KCNQ3: variants seen among roughly 807,000 people sequenced by gnomAD.
KCNQ3 encodes potassium voltage-gated channel subfamily Q member 3.
In KCNQ3, 30 loss-of-function variants were observed where a neutral mutation model predicts 92.5. That is an observed-to-expected ratio of 0.32 (90% CI 0.24 to 0.44). The LOEUF is 0.44. KCNQ3 is among the 20% of genes least tolerant of loss of function. The probability of loss-of-function intolerance (pLI) is 1.00; values close to 1 mark genes in which losing one functional copy is unlikely to be tolerated. For missense variants in KCNQ3, 913 were observed against 1,140.3 expected (o/e 0.80, Z 2.87); for synonymous variants, 450 against 468.8 (o/e 0.96, Z 0.52).
chr8:132,364,694 C>CGGACGGACGGATGGAT (rs61064169), intron 1 of KCNQ3, among the ~76,000 whole-genome samples: 1 of 137,932 alleles, frequency 7.2e-6, no homozygotes, highest in African/African-American at 2.6e-5. Context: ...GACGGACGGA[C>CGGACGGACGGATGGAT]GGATGGATGG....
intron 1 of KCNQ3, among the ~76,000 whole-genome samples, chr8:132,239,686 C>A (rs563672740): frequency 2.7e-4 from 41 of 152,282 alleles, no homozygotes; most frequent in African/African-American, 9.9e-4. Flanking sequence ...TGGAACCAGA[C>A]CCCATATATG....
At chr8:132,144,801 T>G (rs1321596586) in intron 9 of KCNQ3, among the ~76,000 whole-genome samples, 4 of 152,162 alleles carry the variant, frequency 2.6e-5, no homozygotes, top group African/African-American at 9.7e-5. Flanking sequence ...TACTTTTGCC[T>G]AAAACATGGT....
intron 1 of KCNQ3, among the ~76,000 whole-genome samples, chr8:132,358,480 G>T (rs79075547): frequency 1.3e-5 from 2 of 152,150 alleles, no homozygotes; most frequent in Admixed American, 1.3e-4. Context: ...ATTGGGTAAT[G>T]TTAGCTGAGA....
At chr8:132,357,543 G>A (rs1819051106) in intron 1 of KCNQ3, among the ~76,000 whole-genome samples, 1 of 152,214 alleles carries the variant, frequency 6.6e-6, no homozygotes, top group African/African-American at 2.4e-5. Flanking sequence ...TGTGAGGTCA[G>A]TCTGCAAGTC....
At chr8:132,222,254 T>C (rs1359455943) in intron 1 of KCNQ3, among the ~76,000 whole-genome samples, 1 of 152,206 alleles carries the variant, frequency 6.6e-6, no homozygotes, top group Admixed American at 6.5e-5. Context: ...GAAAATCAAC[T>C]GAAGAAAAAG....
At chr8:132,132,065 G>C in intron 14 of KCNQ3, 115 bp downstream of exon 14, 1 of 752,936 alleles carries the variant, frequency 1.3e-6, no homozygotes, top group Non-Finnish European at 2.3e-6. Flanking sequence ...TCCAGCCTGG[G>C]CAACAGAGTG....
chr8:132,235,277 G>T (rs186362640), intron 1 of KCNQ3, among the ~76,000 whole-genome samples: 7 of 152,114 alleles, frequency 4.6e-5, no homozygotes, highest in African/African-American at 1.4e-4. Flanking sequence ...GGGTGGGGGG[G>T]GAATCACCTG....
At chr8:132,208,335 C>G (rs1250199249) in intron 1 of KCNQ3, among the ~76,000 whole-genome samples, 1 of 151,852 alleles carries the variant, frequency 6.6e-6, no homozygotes, top group Non-Finnish European at 1.5e-5. Context: ...TGGTGACCAG[C>G]TATTGGCTGC....
intron 1 of KCNQ3, among the ~76,000 whole-genome samples, chr8:132,426,494 AG>A (rs1286644594): frequency 2.0e-5 from 3 of 152,248 alleles, no homozygotes; most frequent in African/African-American, 7.2e-5. Flanking sequence ...CATGGGGACC[AG>A]CATGGCACGC....
intron 1 of KCNQ3, among the ~76,000 whole-genome samples, chr8:132,237,889 G>T (rs929052038): frequency 2.6e-5 from 4 of 152,128 alleles, no homozygotes; most frequent in Non-Finnish European, 4.4e-5. Context: ...ATAGAACCAG[G>T]TTTAAATGTA....
chr8:132,367,467 C>T (rs865915395), intron 1 of KCNQ3, among the ~76,000 whole-genome samples: 3 of 152,280 alleles, frequency 2.0e-5, no homozygotes, highest in Middle Eastern at 3.4e-3. Context: ...AAATAAGAGG[C>T]GGGCTTTGCT....
chr8:132,272,491 A>G (rs1008675605), intron 1 of KCNQ3, among the ~76,000 whole-genome samples: 3 of 152,198 alleles, frequency 2.0e-5, no homozygotes, highest in Non-Finnish European at 4.4e-5. Context: ...GTCCATTTTC[A>G]TGCTGTTGAT....
chr8:132,450,967 C>CT (rs1821805490), intron 1 of KCNQ3, among the ~76,000 whole-genome samples: 1 of 152,212 alleles, frequency 6.6e-6, no homozygotes, highest in South Asian at 2.1e-4. Flanking sequence ...CTGTGATGCC[C>CT]TTTGTTCTGA....
In KCNQ3 at chr8:132,187,278, A is replaced by C. The variant is rs563968288; in HGVS notation, c.387-1097T>G. 3 of 456,028 alleles carry C rather than the reference A, an allele frequency of 6.6e-6. No individual in the cohort carries two copies. In the East Asian group the frequency reaches 2.1e-4, roughly 32 times the overall value. 28.2% of individuals were successfully genotyped at this position (456,028 alleles called of 1,614,324 possible). A position where few individuals can be genotyped will look rare whatever the true frequency, so the allele number is the denominator to read the frequency against. On this transcript the variant is annotated intron_variant, in intron 1 of 14. Transcript: ENST00000388996. ...GCGCATACAGAGCTGGAATTCAATG[A>C]TGAATAGGCTGGATCTGTCCTCACG...
intron 1 of KCNQ3, among the ~76,000 whole-genome samples, chr8:132,340,444 A>G (rs1201160121): frequency 2.0e-5 from 3 of 152,248 alleles, no homozygotes; most frequent in African/African-American, 7.2e-5. Context: ...AAAAAGAATG[A>G]GTTCATTTCC....
intron 1 of KCNQ3, among the ~76,000 whole-genome samples, chr8:132,236,531 T>C (rs1218783421): frequency 1.3e-5 from 2 of 152,224 alleles, no homozygotes; most frequent in African/African-American, 2.4e-5. Context: ...TGTCAATGAA[T>C]GTCTGCCATG....
chr8:132,345,656 T>TA (rs1818665921), intron 1 of KCNQ3, among the ~76,000 whole-genome samples: 1 of 152,218 alleles, frequency 6.6e-6, no homozygotes, highest in Admixed American at 6.5e-5. Flanking sequence ...GCCCATTGTT[T>TA]AAAGCACTCT....
At chr8:132,236,026 G>T (rs567512086) in intron 1 of KCNQ3, among the ~76,000 whole-genome samples, 1 of 152,172 alleles carries the variant, frequency 6.6e-6, no homozygotes, top group South Asian at 2.1e-4. Flanking sequence ...GCAAGAAACA[G>T]TTGATAAATG....
chr8:132,281,242 G>C (rs1273229025), intron 1 of KCNQ3, among the ~76,000 whole-genome samples: 2 of 152,232 alleles, frequency 1.3e-5, no homozygotes, highest in African/African-American at 4.8e-5. Flanking sequence ...CTTTAGGAAA[G>C]CTCTGTCTCC....
Sources: gnomAD v4.1 joint callset for allele counts (sites outside exome capture counted in the v4.1 genomes callset) on GRCh38, gnomAD v4.1.1 for gene constraint, MANE v1.5 for transcripts, NCBI Gene and HGNC (gene_info 2026-07-23, HGNC 2026-07-21) for gene names.